Variants in PRKD3 observed in about 807,000 individuals in gnomAD.
PRKD3 encodes the protein protein kinase D3, also known as serine/threonine-protein kinase D3.
PRKD3 carries 47 observed loss-of-function variants against 99.2 expected under a neutral mutation model. That is an observed-to-expected ratio of 0.47 (90% CI 0.38 to 0.60). The LOEUF (loss-of-function observed/expected upper bound fraction) is 0.60, where lower values mean the gene tolerates loss of function less well. Among genes scored for constraint, PRKD3 ranks in the 20% least tolerant of loss-of-function variants. PRKD3 has a pLI of 0.00. For synonymous variants in PRKD3, 392 were observed against 355.4 expected, an observed-to-expected ratio of 1.10 and a Z score of -1.16; for missense variants, 1,019 against 1,088.4, an observed-to-expected ratio of 0.94 and a Z score of 0.90.
intron 2 of PRKD3, among the ~76,000 whole-genome samples, chr2:37,315,670 C>T (rs866404820): frequency 6.6e-6 from 1 of 152,274 alleles, no homozygotes; most frequent in Middle Eastern, 3.4e-3. Flanking sequence ...GATTTTCCTG[C>T]TCTTGAGAGA....
chr2:37,262,895 TC>T (rs68028740), intron 14 of PRKD3, among the ~76,000 whole-genome samples: 37 of 144,486 alleles, frequency 2.6e-4, no homozygotes, highest in South Asian at 6.7e-4. Context: ...TAAGATTCCT[TC>T]CCCCCCCCGT....
At chr2:37,286,088 C>T (rs1670081389) in intron 6 of PRKD3, 89 bp downstream of exon 6, 2 of 1,102,148 alleles carry the variant, frequency 1.8e-6, no homozygotes, top group Non-Finnish European at 2.5e-6. Context: ...ATTTCTTTGG[C>T]TAATGCTTCT....
chr2:37,320,329 C>G (rs1328672889), intron 1 of PRKD3, among the ~76,000 whole-genome samples: 1 of 151,766 alleles, frequency 6.6e-6, no homozygotes, highest in Non-Finnish European at 1.5e-5. Flanking sequence ...GTAATGAGCT[C>G]CACAACGTAT....
chr2:37,323,466 C>A (rs2124915263), intron 1 of PRKD3, among the ~76,000 whole-genome samples: 1 of 152,032 alleles, frequency 6.6e-6, no homozygotes, highest in South Asian at 2.1e-4. Flanking sequence ...CGTTTCAAAT[C>A]CTACTTTTAG....
At chr2:37,313,572 T>G (rs554702539) in intron 2 of PRKD3, among the ~76,000 whole-genome samples, 2 of 152,248 alleles carry the variant, frequency 1.3e-5, no homozygotes, top group East Asian at 3.9e-4. Context: ...ACCCAACTAT[T>G]AATACATGCA....
At chr2:37,275,908 A>T in intron 9 of PRKD3, 64 bp from the exon 10 acceptor site, 1 of 1,530,236 alleles carries the variant, frequency 6.5e-7, no homozygotes, top group South Asian at 1.3e-5. Flanking sequence ...GCTTGTACCT[A>T]ACTTTTCCCT....
In PRKD3 at chr2:37,260,281, A is replaced by C; in HGVS notation, c.1988T>G (p.Ile663Ser). 1 of 1,611,116 alleles carries C rather than the reference A, an allele frequency of 6.2e-7. No individual in the cohort carries two copies. The highest frequency in any genetic ancestry group is 8.5e-7 in the Non-Finnish European group (1 of 1,177,288). ...AAGCCGACTTTTCTCACTGGATAGA[A>C]TCATTTCCAACATATCTCCATGCAG... The part of the protein sequence containing the change: ...EKLHGDMLEM[I>S]LSSEKSRLPE... Residue 663 changes from isoleucine (I) to serine (S), a missense_variant, in exon 15 of 19, where the codon ATT becomes AGT. Coordinates refer to ENST00000234179, the MANE Select transcript of PRKD3 (RefSeq NM_005813.6).
In PRKD3 at chr2:37,286,318, G is replaced by C. The variant is rs1572665132; in HGVS notation, c.769C>G (p.Pro257Ala). The change falls in exon 6 of 19, where the codon CCA becomes GCA. Residue 257 changes from proline (P) to alanine (A), a missense_variant. Physicochemically the swap from Pro to Ala is conservative, Grantham distance 27. Coordinates refer to ENST00000234179, the MANE Select transcript of PRKD3 (RefSeq NM_005813.6). ...SKRIPSWSGR[P>A]IWMEKMVMCR... The stretch of plus-strand genomic sequence containing the variant: ...ATTACCATCTTTTCCATCCAGATTG[G>C]GCGACCACTCCAAGAAGGAATTCTC... 3 of 1,613,970 alleles carry C rather than the reference G, an allele frequency of 1.9e-6. No individual in the cohort carries two copies. In the East Asian group the frequency reaches 6.7e-5, roughly 36 times the overall value.
At chr2:37,284,906 A>C (rs1156798535) in intron 6 of PRKD3, among the ~76,000 whole-genome samples, 1 of 152,106 alleles carries the variant, frequency 6.6e-6, no homozygotes, top group Non-Finnish European at 1.5e-5. Context: ...CTCGTCATTT[A>C]ACATTAGGTA....
At chr2:37,268,053 C>A in intron 13 of PRKD3, 3 of 194,564 alleles carry the variant, frequency 1.5e-5, no homozygotes, top group South Asian at 8.3e-5. Flanking sequence ...ACAGTCATTC[C>A]CTCATTTATT....
intron 1 of PRKD3, among the ~76,000 whole-genome samples, chr2:37,322,174 T>C (rs914186997): frequency 3.3e-5 from 5 of 152,216 alleles, no homozygotes; most frequent in South Asian, 2.1e-4. Context: ...CTGACCAGCG[T>C]CCTAAAGTCC....
Position 37,252,847 on chromosome 2 carries a change from T to TTATATTTATA in PRKD3, c.*329_*330insTATAAATATA, listed in dbSNP as rs1553362997. 2 of 145,014 alleles carry TTATATTTATA rather than the reference T, an allele frequency of 1.4e-5. No homozygotes were observed. Among genetic ancestry groups the TTATATTTATA allele is most frequent in the East Asian group, 4.1e-4 (2 of 4,926 alleles). 9.0% of individuals were successfully genotyped at this position (145,014 alleles called of 1,614,324 possible). A position where few individuals can be genotyped will look rare whatever the true frequency, so the allele number is the denominator to read the frequency against. On this transcript the variant is annotated 3_prime_UTR_variant, in exon 19 of 19. Coordinates refer to ENST00000234179, the MANE Select transcript of PRKD3 (RefSeq NM_005813.6). ...AAAACAAACAAACATATATTTATAT[T>TTATATTTATA]TATATATATATATATAAAGAGAAAT...
intron 9 of PRKD3, 131 bp downstream of exon 9, chr2:37,277,735 T>A (rs1172573248): frequency 3.3e-6 from 3 of 916,048 alleles, no homozygotes; most frequent in African/African-American, 1.7e-5. Context: ...TTCCAGTGCA[T>A]CTTTTACAAA....
rs139524899 is a variant in PRKD3 at position 37,279,783 on chromosome 2, C to A, written c.1135G>T (p.Asp379Tyr). The change falls in exon 8 of 19, where the codon GAT becomes TAT. Residue 379 changes from aspartate to tyrosine, a missense_variant. Asp to Tyr is a radical substitution (Grantham distance 160, BLOSUM62 -3). This residue lies in a region of PRKD3 where 710 missense variants were observed against 692.7 expected (regional missense o/e 1.02). Transcript: ENST00000234179. ...ACGGCTTCTTCATCTCTTTCCACAT[C>A]GAGATCAGATGGATCCAAGAAGAAC... Reference protein sequence around the residue: ...KMFFLDPSDLDVERDEEAVKT... With the variant: ...KMFFLDPSDLYVERDEEAVKT... 3 of 1,613,550 alleles carry A rather than the reference C, an allele frequency of 1.9e-6. No homozygotes were observed. Among genetic ancestry groups the A allele is most frequent in the Non-Finnish European group, 2.5e-6 (3 of 1,179,846 alleles).
chr2:37,292,475 AG>A (rs1301264114), intron 3 of PRKD3, among the ~76,000 whole-genome samples: 4 of 151,406 alleles, frequency 2.6e-5, no homozygotes, highest in African/African-American at 4.9e-5. Flanking sequence ...CCTCCCCAGT[AG>A]CTGGGACTAG....
chr2:37,266,328 T>C (rs1220162791), intron 14 of PRKD3, among the ~76,000 whole-genome samples: 34 of 152,182 alleles, frequency 2.2e-4, no homozygotes, highest in Non-Finnish European at 1.3e-4. Context: ...GCATTAACCA[T>C]TTTTTGTTGT....
intron 16 of PRKD3, 100 bp from the exon 17 acceptor site, chr2:37,257,029 C>G: frequency 8.0e-7 from 1 of 1,244,418 alleles, no homozygotes; most frequent in Non-Finnish European, 1.1e-6. Flanking sequence ...AACATACTTG[C>G]CAGCTCTACT....
chr2:37,296,932 G>T (rs922833381), intron 2 of PRKD3, among the ~76,000 whole-genome samples: 15 of 144,242 alleles, frequency 1.0e-4, no homozygotes, highest in Non-Finnish European at 1.5e-4. Context: ...AATTATGTAA[G>T]AGTCTAAACT....
chr2:37,321,317 T>C (rs1156545196), intron 1 of PRKD3, among the ~76,000 whole-genome samples: 1 of 152,194 alleles, frequency 6.6e-6, no homozygotes, highest in African/African-American at 2.4e-5. Context: ...TCTGTCATCA[T>C]TGTTACTGGA....
Sources: allele counts gnomAD v4.1 joint callset (sites outside exome capture counted in the v4.1 genomes callset), GRCh38; gene constraint gnomAD v4.1.1; regional missense constraint gnomAD v4.1.1; transcripts MANE v1.5; gene names NCBI Gene and HGNC (gene_info 2026-07-23, HGNC 2026-07-21).